Variants in SPATC1L observed in about 807,000 individuals in gnomAD.
SPATC1L encodes the protein speriolin-like protein.
In SPATC1L, 20 loss-of-function variants were observed where a neutral mutation model predicts 21.2. That is an observed-to-expected ratio of 0.94 (90% CI 0.66 to 1.37). The LOEUF (loss-of-function observed/expected upper bound fraction) is 1.37. Among genes scored for constraint, SPATC1L ranks in the 40% most tolerant of loss-of-function variants. The probability of loss-of-function intolerance (pLI) is 0.00; values close to 1 mark genes in which losing one functional copy is unlikely to be tolerated. For synonymous variants in SPATC1L, 290 were observed against 234.5 expected (o/e 1.24, Z -2.16); for missense variants, 499 against 478.7 (o/e 1.04, Z -0.40).
In SPATC1L at chr21:46,168,633, A is replaced by T; in HGVS notation, c.219T>A (p.Ser73Arg). The T allele has an allele frequency of 7.2e-7, 1 of 1,379,386 alleles. No homozygotes were observed. The highest frequency in any genetic ancestry group is 9.5e-7 in the Non-Finnish European group (1 of 1,054,372). The allele number at this position is 1,379,386 out of a possible 1,614,324, so 85.4% of individuals were successfully genotyped here. A position where few individuals can be genotyped will look rare whatever the true frequency, so the allele number is the denominator to read the frequency against. ...SGVPDFGRFT[S>R]VADTPSQLQT... ...GCAGTTGGGAGGGCGTGTCGGCAAC[A>T]CTCGTGAACCTTCCGAAATCTGGAA... is the stretch of plus-strand genomic sequence containing the variant. The change falls in exon 3 of 5, where the codon AGT (serine) becomes AGA (arginine). Residue 73 changes from serine (S) to arginine (R), a missense_variant. Coordinates refer to ENST00000291672, the MANE Select transcript of SPATC1L (RefSeq NM_001142854.2).
chr21:46,180,077 TC>T (rs143135846), intron 2 of SPATC1L, among the ~76,000 whole-genome samples: 8,997 of 152,216 alleles, frequency 0.059, 373 homozygotes, highest in Non-Finnish European at 0.093. Flanking sequence ...AGGTGTGGGA[TC>T]CCCTACACAA....
At chr21:46,173,403 C>A (rs1189102269) in intron 2 of SPATC1L, among the ~76,000 whole-genome samples, 1 of 152,134 alleles carries the variant, frequency 6.6e-6, no homozygotes, top group Non-Finnish European at 1.5e-5. Context: ...TTGTAGCTTC[C>A]CCTGGGCCCA....
At chr21:46,169,187 G>A (rs2079563563) in intron 2 of SPATC1L, among the ~76,000 whole-genome samples, 1 of 152,284 alleles carries the variant, frequency 6.6e-6, no homozygotes, top group Non-Finnish European at 1.5e-5. Context: ...GACAGGGCCT[G>A]TTTCCATGTT....
At position 46,182,596 on chromosome 21, in the gene SPATC1L, A is replaced by G. The variant is rs912790937; in HGVS notation, c.193+28T>C. ...GCGTCCCGCGACCCCCTCATCTACC[A>G]GGCCATCTGAGCTGGGCGGCGCCTC... is the stretch of plus-strand genomic sequence containing the variant. On this transcript the variant is annotated intron_variant, in intron 2 of 4. Coordinates refer to ENST00000291672, the MANE Select transcript of SPATC1L (RefSeq NM_001142854.2). The G allele has an allele frequency of 3.5e-6, 5 of 1,433,054 alleles. No homozygotes were observed. The African/African-American group carries it at 5.8e-5, about 17-fold the overall frequency. The allele number at this position is 1,433,054 out of a possible 1,614,324, so 88.8% of individuals were successfully genotyped here. A position where few individuals can be genotyped will look rare whatever the true frequency, so the allele number is the denominator to read the frequency against.
chr21:46,182,645 C>A lies in SPATC1L; in HGVS notation c.172G>T (p.Ala58Ser). 6.6e-7 allele frequency: 1 copy of A among 1,524,382 alleles called. No homozygotes were observed. The highest frequency in any genetic ancestry group is 2.5e-5 in the East Asian group (1 of 40,102). 94.4% of individuals were successfully genotyped at this position (1,524,382 alleles called of 1,614,324 possible). The change falls in exon 2 of 5, where the codon GCC becomes TCC. Residue 58 changes from alanine to serine, a missense_variant. Physicochemically the swap from Ala to Ser is moderately conservative, Grantham distance 99. Transcript: ENST00000291672. ...LPPRAHAYPE[A>S]GSPGSGVPDF... ...TCACCTCCGCTCCCGGGGGAGCCGG[C>A]CTCAGGGTAGGCATGCGCCCTGGGT... is the stretch of plus-strand genomic sequence containing the variant.
intron 3 of SPATC1L, among the ~76,000 whole-genome samples, chr21:46,164,602 G>A (rs1165675521): frequency 7.2e-5 from 11 of 151,932 alleles, no homozygotes; most frequent in Non-Finnish European, 1.6e-4. Flanking sequence ...GACCAGCTTG[G>A]CAAACATGGT....
chr21:46,177,801 G>A (rs904774643), intron 2 of SPATC1L, among the ~76,000 whole-genome samples: 4 of 152,164 alleles, frequency 2.6e-5, no homozygotes, highest in Admixed American at 2.0e-4. Context: ...TTTTATTATA[G>A]AGACACATGC....
intron 2 of SPATC1L, among the ~76,000 whole-genome samples, chr21:46,182,060 C>T (rs1179409039): frequency 6.6e-6 from 1 of 152,226 alleles, no homozygotes; most frequent in Non-Finnish European, 1.5e-5. Context: ...TCCACACTCC[C>T]AGCCCCGCAG....
intron 2 of SPATC1L, among the ~76,000 whole-genome samples, chr21:46,181,088 T>C (rs79589812): frequency 0.12 from 18,363 of 152,168 alleles, 1,504 homozygotes; most frequent in Non-Finnish European, 0.16. Flanking sequence ...TGATTCCTTC[T>C]TGAGGAGGAG....
At chr21:46,166,839 C>T (rs2079544420) in intron 3 of SPATC1L, among the ~76,000 whole-genome samples, 1 of 152,120 alleles carries the variant, frequency 6.6e-6, no homozygotes, top group Admixed American at 6.6e-5. Flanking sequence ...CTGGAGACTT[C>T]AATACGCATT....
At position 46,168,776 on chromosome 21, in the gene SPATC1L, G is replaced by A. The variant is rs577984682; in HGVS notation, c.194-118C>T. On this transcript the variant is annotated intron_variant, in intron 2 of 4. Coordinates refer to ENST00000291672, the MANE Select transcript of SPATC1L (RefSeq NM_001142854.2). ...CCCACCCCAAGCTTCAACACCTGCC[G>A]GGGTTTCCCTGGCTTCAGAGCATCC... 2.4e-3 allele frequency: 1,398 copies of A among 591,856 alleles called. 23 individuals are homozygous for A. The highest frequency in any genetic ancestry group is 4.9e-4 in the Admixed American group (12 of 24,532). 36.7% of individuals were successfully genotyped at this position (591,856 alleles called of 1,614,324 possible). A position where few individuals can be genotyped will look rare whatever the true frequency, so the allele number is the denominator to read the frequency against.
chr21:46,176,260 A>G (rs2079632626), intron 2 of SPATC1L, among the ~76,000 whole-genome samples: 1 of 152,216 alleles, frequency 6.6e-6, no homozygotes, highest in South Asian at 2.1e-4. Flanking sequence ...CCTATTCAAC[A>G]TAGTATTGGA....
At chr21:46,161,726 T>C (rs1411673948) in intron 4 of SPATC1L, 21 bp from the exon 5 acceptor site, 2 of 1,492,858 alleles carry the variant, frequency 1.3e-6, no homozygotes, top group Admixed American at 1.9e-5. Flanking sequence ...AGCGCATGGA[T>C]GGGGGTGGGG....
At chr21:46,162,265 CCT>C (rs906425732) in intron 3 of SPATC1L, among the ~76,000 whole-genome samples, 198 bp from the exon 4 acceptor site, 1 of 152,166 alleles carries the variant, frequency 6.6e-6, no homozygotes, top group Non-Finnish European at 1.5e-5. Flanking sequence ...TTCCCTTCCC[CCT>C]GTCCTCGGCT....
At position 46,161,232 on chromosome 21, in the gene SPATC1L, CCCAGCA is replaced by C. The variant is rs1180059600; in HGVS notation, c.*141_*146del. ...GGGCAGCGGCGGGCTGCGGTCGGGG[CCCAGCA>C]CCGGTGGGAGCGGGGCCTTCTCTGG... On this transcript the variant is annotated 3_prime_UTR_variant, in exon 5 of 5. Coordinates refer to ENST00000291672, the MANE Select transcript of SPATC1L (RefSeq NM_001142854.2). The C allele has an allele frequency of 4.4e-6, 3 of 689,394 alleles. No individual in the cohort carries two copies. Among genetic ancestry groups the C allele is most frequent in the Non-Finnish European group, 6.5e-6 (3 of 459,836 alleles). 42.7% of individuals were successfully genotyped at this position (689,394 alleles called of 1,614,324 possible).
intron 2 of SPATC1L, among the ~76,000 whole-genome samples, chr21:46,173,728 A>G (rs2123643476): frequency 6.6e-6 from 1 of 152,210 alleles, no homozygotes; most frequent in South Asian, 2.1e-4. Context: ...AACTGCACAC[A>G]GTCTCCAACA....
At chr21:46,167,211 A>C (rs1019493636) in intron 3 of SPATC1L, among the ~76,000 whole-genome samples, 3 of 152,222 alleles carry the variant, frequency 2.0e-5, no homozygotes, top group Admixed American at 6.5e-5. Flanking sequence ...AATTTTAAAA[A>C]TGTCTTGAAA....
intron 3 of SPATC1L, among the ~76,000 whole-genome samples, chr21:46,162,543 C>G (rs2079508802): frequency 6.6e-6 from 1 of 150,596 alleles, no homozygotes; most frequent in Admixed American, 6.6e-5. Context: ...AATAAAACTG[C>G]TTCATTCTTT....
chr21:46,174,029 C>T (rs2079611402), intron 2 of SPATC1L, among the ~76,000 whole-genome samples: 1 of 152,128 alleles, frequency 6.6e-6, no homozygotes, highest in Non-Finnish European at 1.5e-5. Flanking sequence ...CAATCAAAAC[C>T]TCAAGGTCAT....
Sources: allele counts gnomAD v4.1 joint callset (sites outside exome capture counted in the v4.1 genomes callset), GRCh38; gene constraint gnomAD v4.1.1; transcripts MANE v1.5; gene names NCBI Gene and HGNC (gene_info 2026-07-23, HGNC 2026-07-21).